The following JAG1 variants were observed in gnomAD, a reference collection of about 807,000 sequenced individuals.
The protein encoded by JAG1 is jagged canonical Notch ligand 1, also known as protein jagged-1.
A neutral mutation model predicts 148.7 loss-of-function variants in JAG1; 23 were observed. The observed-to-expected ratio is 0.15, with a 90% confidence interval of 0.11 to 0.22. The LOEUF (loss-of-function observed/expected upper bound fraction) is 0.22. Among genes scored for constraint, JAG1 ranks in the 10% least tolerant of loss-of-function variants. The pLI is 1.00. For missense variants in JAG1, 1,054 were observed against 1,611.2 expected (o/e 0.65, Z 5.92); for synonymous variants, 572 against 598.3 (o/e 0.96, Z 0.64).
intron 21 of JAG1, among the ~76,000 whole-genome samples, chr20:10,642,187 A>C (rs1371868306): frequency 1.3e-5 from 2 of 152,188 alleles, no homozygotes; most frequent in African/African-American, 4.8e-5. Flanking sequence ...CCACTGGTCG[A>C]ACTGAACCCA....
intron 14 of JAG1, 41 bp from the exon 15 acceptor site, chr20:10,646,125 G>C (rs1268557259): frequency 7.0e-7 from 1 of 1,437,810 alleles, no homozygotes; most frequent in East Asian, 2.3e-5. Context: ...TGAAGGACTT[G>C]TGAAGCCATA....
rs2067245555 is a variant in JAG1, at chr20:10,638,179, C to T, written c.*1319G>A. 1 of 152,528 alleles carries T rather than the reference C, an allele frequency of 6.6e-6. No individual in the cohort carries two copies. Among genetic ancestry groups the T allele is most frequent in the Non-Finnish European group, 1.5e-5 (1 of 68,036 alleles). The allele number at this position is 152,528 out of a possible 1,614,324, so 9.4% of individuals were successfully genotyped here. On this transcript the variant is annotated 3_prime_UTR_variant, in exon 26 of 26. Transcript: ENST00000254958. ...CTTCGTAATAGCACTTTGATTTCCT[C>T]ACTTAAGGCAGGCAGTGTACTCTAT...
At position 10,658,668 on chromosome 20, in the gene JAG1, C is replaced by T. The variant is rs779793192; in HGVS notation, c.494G>A (p.Arg165Gln). 1.7e-5 allele frequency: 28 copies of T among 1,614,096 alleles called. No homozygotes were observed. The highest frequency in any genetic ancestry group is 5.0e-5 in the Admixed American group (3 of 60,010). ...ASHSGMINPSRQWQTLKQNTG... is the reference protein window; with the variant it reads ...ASHSGMINPSQQWQTLKQNTG... ...GTTCTGCTTCAGCGTCTGCCACTGC[C>T]GGCTGGGGTTGATCATGCCCGAGTG... The change falls in exon 4 of 26, where the codon CGG becomes CAG. Residue 165 changes from arginine (R) to glutamine (Q), a missense_variant. Transcript: ENST00000254958.
chr20:10,652,438 C>T, intron 6 of JAG1, 30 bp downstream of exon 6: 1 of 1,613,518 alleles, frequency 6.2e-7, no homozygotes. Flanking sequence ...CCCCAGATCC[C>T]ACCCTGGGTC....
chr20:10,672,896 G>A lies in JAG1; in HGVS notation c.192C>T (p.Arg64=), dbSNP rs369132773. The A allele has an allele frequency of 1.1e-5, 18 of 1,613,128 alleles. No homozygotes were observed. Among genetic ancestry groups the A allele is most frequent in the Non-Finnish European group, 1.4e-5 (17 of 1,180,048 alleles). ...TGTCACACTCGTCGCGGGTGCACTT[G>A]CGGTCTCCCGGGTTCCGGGCGCCGC... is the stretch of plus-strand genomic sequence containing the variant. ...CCGGARNPGD[R]KCTRDECDTY... Residue 64 remains arginine, a synonymous_variant, in exon 2 of 26, where the codon CGC becomes CGT. Coordinates refer to ENST00000254958, the MANE Select transcript of JAG1 (RefSeq NM_000214.3).
At chr20:10,640,512 C>T (rs1310208356) in intron 25 of JAG1, among the ~76,000 whole-genome samples, 1 of 152,204 alleles carries the variant, frequency 6.6e-6, no homozygotes, top group Admixed American at 6.5e-5. Context: ...AAAGGACAAG[C>T]AGTGTCCTAG....
chr20:10,649,681 A>G, intron 9 of JAG1, 46 bp from the exon 10 acceptor site: 2 of 1,094,436 alleles, frequency 1.8e-6, no homozygotes, highest in South Asian at 1.3e-5. Flanking sequence ...TTCAACCCCC[A>G]TCTCCCCCAC....
At chr20:10,640,248 G>GA (rs1345867779) in intron 25 of JAG1, among the ~76,000 whole-genome samples, 1 of 152,204 alleles carries the variant, frequency 6.6e-6, no homozygotes, top group Non-Finnish European at 1.5e-5. Flanking sequence ...TGTTAAGTCT[G>GA]GCTACTGAGG....
At position 10,668,096 on chromosome 20, in the gene JAG1, A is replaced by T. The variant is rs77146707; in HGVS notation, c.388-4082T>A. Among the ~76,000 whole-genome samples the T allele has an allele frequency of 5.7e-4, 23 of 40,316 alleles. 1 individual carries two copies. The highest frequency in any genetic ancestry group is 5.1e-3 in the South Asian group (3 of 592). 26.4% of individuals were successfully genotyped at this position (40,316 alleles called of 152,430 possible). A position where few individuals can be genotyped will look rare whatever the true frequency, so the allele number is the denominator to read the frequency against. ...TGGTAGATGTCACTGGCACCATAAA[A>T]AAAAAAAAAAAAAAAAAAAACAGCA... On this transcript the variant is annotated intron_variant, in intron 2 of 25. Coordinates refer to ENST00000254958, the MANE Select transcript of JAG1 (RefSeq NM_000214.3).
intron 3 of JAG1, among the ~76,000 whole-genome samples, chr20:10,661,330 G>C (rs1305243966): frequency 6.6e-6 from 1 of 152,134 alleles, no homozygotes; most frequent in East Asian, 1.9e-4. Context: ...ACTCGCTTGG[G>C]TCCCACAGGG....
At chr20:10,650,444 G>C in intron 8 of JAG1, 84 bp from the exon 9 acceptor site, 2 of 796,878 alleles carry the variant, frequency 2.5e-6, no homozygotes, top group South Asian at 2.9e-5. Flanking sequence ...TCTTACATGA[G>C]GGGCTGTCAT....
At chr20:10,669,383 C>T (rs2067479167) in intron 2 of JAG1, among the ~76,000 whole-genome samples, 1 of 151,624 alleles carries the variant, frequency 6.6e-6, no homozygotes, top group South Asian at 2.1e-4. Flanking sequence ...ACCATATCTA[C>T]AGAAGCTCAG....
intron 20 of JAG1, among the ~76,000 whole-genome samples, chr20:10,643,352 G>A (rs1475326166): frequency 6.6e-6 from 1 of 152,152 alleles, no homozygotes; most frequent in Non-Finnish European, 1.5e-5. Context: ...CATTTCTCCA[G>A]GGCCTGATCA....
Position 10,645,721 on chromosome 20 carries a change from C to T in JAG1, c.1999+250G>A. 3 of 617,088 alleles carry T rather than the reference C, an allele frequency of 4.9e-6. No homozygotes were observed. The highest frequency in any genetic ancestry group is 8.6e-6 in the Non-Finnish European group (3 of 349,352). 38.2% of individuals were successfully genotyped at this position (617,088 alleles called of 1,614,324 possible). On this transcript the variant is annotated intron_variant, in intron 15 of 25. Transcript: ENST00000254958. This position sits in a 1 kb window ranked among gnomAD's most constrained non-coding sequence, Gnocchi z 6.1. The stretch of plus-strand genomic sequence containing the variant: ...CATGGAAATGAAAGTAGAAATATGA[C>T]TTTCCTTGCAAGCAGGAATATTTAT...
chr20:10,652,009 A>C, intron 7 of JAG1, 122 bp downstream of exon 7: 2 of 1,126,102 alleles, frequency 1.8e-6, no homozygotes, highest in East Asian at 2.4e-5. Context: ...TGGTTGGGAT[A>C]AGGCCTATCT....
Position 10,658,449 on chromosome 20 carries a change from T to C in JAG1, c.694+19A>G, listed in dbSNP as rs746722225. On this transcript the variant is annotated intron_variant, in intron 4 of 25. Transcript: ENST00000254958. ...TAAAAGCAACAGGCACACGTGCACA[T>C]GCACACACACACACATACCTCTGTT... 6.2e-7 allele frequency: 1 copy of C among 1,612,944 alleles called. No individual in the cohort carries two copies. Among genetic ancestry groups the C allele is most frequent in the Non-Finnish European group, 8.5e-7 (1 of 1,179,944 alleles).
intron 14 of JAG1, 100 bp downstream of exon 14, chr20:10,646,839 A>AC: frequency 7.9e-7 from 1 of 1,270,008 alleles, no homozygotes; most frequent in Non-Finnish European, 1.1e-6. Context: ...AAAAAAAAAA[A>AC]AACTTTCAAC....
chr20:10,672,453 T>G (rs188536722), intron 2 of JAG1, among the ~76,000 whole-genome samples: 1 of 152,164 alleles, frequency 6.6e-6, no homozygotes, highest in African/African-American at 2.4e-5. Context: ...CCTGGTCCCA[T>G]AAACCCTCTG....
intron 3 of JAG1, among the ~76,000 whole-genome samples, chr20:10,663,706 G>A (rs1038468636): frequency 5.3e-5 from 8 of 152,174 alleles, no homozygotes; most frequent in African/African-American, 1.4e-4. Flanking sequence ...TCTCTATCCC[G>A]AAGATAATCT....
Sources: allele counts gnomAD v4.1 joint callset (sites outside exome capture counted in the v4.1 genomes callset), GRCh38; gene constraint gnomAD v4.1.1; non-coding constraint Gnocchi (gnomAD v3.1); transcripts MANE v1.5; gene names NCBI Gene and HGNC (gene_info 2026-07-23, HGNC 2026-07-21).